KATNIP: variants seen among roughly 807,000 people sequenced by gnomAD.
KATNIP encodes the protein katanin interacting protein, also known as katanin-interacting protein.
KATNIP carries 126 observed loss-of-function variants against 174.0 expected under a neutral mutation model. That is an observed-to-expected ratio of 0.72 (90% CI 0.63 to 0.84). The LOEUF is 0.84. Among genes scored for constraint, KATNIP ranks in the 40% least tolerant of loss-of-function variants. KATNIP has a pLI of 0.00. For missense variants in KATNIP, 1,958 were observed against 2,109.7 expected, an observed-to-expected ratio of 0.93 and a Z score of 1.41; for synonymous variants, 810 against 835.7, an observed-to-expected ratio of 0.97 and a Z score of 0.53.
intron 1 of KATNIP, among the ~76,000 whole-genome samples, chr16:27,571,151 G>A (rs2090276854): frequency 6.6e-6 from 1 of 152,082 alleles, no homozygotes; most frequent in South Asian, 2.1e-4. Context: ...TTGTGCCTCT[G>A]CCTCTTGAGT....
chr16:27,583,363 C>T (rs756981606), intron 2 of KATNIP, among the ~76,000 whole-genome samples: 35 of 152,140 alleles, frequency 2.3e-4, no homozygotes, highest in Admixed American at 3.9e-4. Flanking sequence ...CATGAAATAG[C>T]CTTTAAGATA....
intron 1 of KATNIP, among the ~76,000 whole-genome samples, chr16:27,556,973 G>A (rs369663208): frequency 5.9e-5 from 9 of 151,766 alleles, no homozygotes; most frequent in Admixed American, 3.3e-4. Flanking sequence ...ATAGGAAGTC[G>A]GCCCATAATG....
At chr16:27,687,941 A>G (rs906381367) in intron 8 of KATNIP, among the ~76,000 whole-genome samples, 5 of 152,226 alleles carry the variant, frequency 3.3e-5, no homozygotes, top group African/African-American at 1.2e-4. Flanking sequence ...AGAAACCCTA[A>G]TCAGCCCAAG....
rs373671089 is a variant in KATNIP, at chr16:27,740,566, C to G, written c.2269C>G (p.Pro757Ala). Residue 757 changes from proline to alanine, a missense_variant, in exon 15 of 28, where the codon CCT becomes GCT. By Grantham distance (27) the Pro-to-Ala change is conservative (BLOSUM62 -1). Around this residue, in one of 3 missense-constraint regions of KATNIP, gnomAD observed 1,557 missense variants for 1,617.8 expected, o/e 0.96. Transcript: ENST00000261588. Reference protein sequence around the residue: ...PPGKTPSWLQPSPTGKDRKQG... With the variant: ...PPGKTPSWLQASPTGKDRKQG... ...CGGGAAAACCCCATCCTGGTTACAACCTTCTCCCACCGGCAAGGACAGGAA... is the reference window on the plus strand; with the variant it reads ...CGGGAAAACCCCATCCTGGTTACAAGCTTCTCCCACCGGCAAGGACAGGAA... 6.2e-7 allele frequency: 1 copy of G among 1,614,062 alleles called. No homozygotes were observed. The highest frequency in any genetic ancestry group is 8.5e-7 in the Non-Finnish European group (1 of 1,180,050).
chr16:27,670,004 A>C (rs1375111052), intron 6 of KATNIP, among the ~76,000 whole-genome samples: 1 of 152,184 alleles, frequency 6.6e-6, no homozygotes, highest in African/African-American at 2.4e-5. Flanking sequence ...TATTTTGCAA[A>C]TACAATCATG....
intron 1 of KATNIP, 28 bp downstream of exon 1, chr16:27,550,205 G>A: frequency 6.2e-7 from 1 of 1,606,018 alleles, no homozygotes; most frequent in African/African-American, 1.3e-5. Context: ...CCTCCGGGAG[G>A]TCGGGCTGTT....
chr16:27,656,764 G>A (rs1399481938), intron 6 of KATNIP, among the ~76,000 whole-genome samples: 2 of 136,188 alleles, frequency 1.5e-5, no homozygotes, highest in Non-Finnish European at 1.5e-5. Flanking sequence ...ACAGGAAGGG[G>A]AATATCACAC....
Position 27,776,189 on chromosome 16 carries a change from C to T in KATNIP, c.4450-739C>T, listed in dbSNP as rs928072586. ...AGGAGGCTGGCCCTACCCGAGCAGC[C>T]GCACTCCCTCTTGGCATATTCTGAG... is the stretch of plus-strand genomic sequence containing the variant. On this transcript the variant is annotated intron_variant, in intron 24 of 27. Coordinates refer to ENST00000261588, the MANE Select transcript of KATNIP (RefSeq NM_015202.5). The surrounding 1 kb of genome is among the most constrained non-coding windows in gnomAD (Gnocchi z 4.7). 2.6e-5 allele frequency among the ~76,000 whole-genome samples: 4 copies of T among 152,154 alleles called. No homozygotes were observed. The highest frequency in any genetic ancestry group is 5.9e-5 in the Non-Finnish European group (4 of 68,042).
chr16:27,725,982 G>C (rs1315465588), intron 14 of KATNIP, among the ~76,000 whole-genome samples: 3 of 152,108 alleles, frequency 2.0e-5, no homozygotes, highest in Non-Finnish European at 4.4e-5. Context: ...TAGGCCAGGG[G>C]TCCCCAGCCC....
chr16:27,571,516 TC>T (rs2090294750), intron 1 of KATNIP, among the ~76,000 whole-genome samples: 1 of 151,506 alleles, frequency 6.6e-6, no homozygotes, highest in Admixed American at 6.6e-5. Flanking sequence ...CTGTCACTTG[TC>T]CCTCAGGACC....
At chr16:27,586,048 C>T (rs1165079773) in intron 2 of KATNIP, among the ~76,000 whole-genome samples, 3 of 152,156 alleles carry the variant, frequency 2.0e-5, no homozygotes, top group Non-Finnish European at 4.4e-5. Context: ...TGCAGTGAGC[C>T]GAGATCATGC....
chr16:27,681,203 G>T, intron 7 of KATNIP, 196 bp from the exon 8 acceptor site: 2 of 645,316 alleles, frequency 3.1e-6, no homozygotes, highest in Non-Finnish European at 5.5e-6. Context: ...CCAAAATGTG[G>T]TGCTGGGCAC....
chr16:27,566,879 C>T (rs979583304), intron 1 of KATNIP, among the ~76,000 whole-genome samples: 1 of 152,336 alleles, frequency 6.6e-6, no homozygotes, highest in Admixed American at 6.5e-5. Flanking sequence ...GACAACCCAT[C>T]TGCACCTTCC....
At chr16:27,554,572 C>G (rs1349893484) in intron 1 of KATNIP, among the ~76,000 whole-genome samples, 2 of 152,126 alleles carry the variant, frequency 1.3e-5, no homozygotes, top group African/African-American at 4.8e-5. Flanking sequence ...AGAAACATTG[C>G]TACAGTCCAT....
chr16:27,629,090 C>T (rs2076414288), intron 4 of KATNIP, among the ~76,000 whole-genome samples: 1 of 151,620 alleles, frequency 6.6e-6, no homozygotes, highest in Admixed American at 6.6e-5. Flanking sequence ...ATCACTTAAA[C>T]CTGGGAGGCG....
At position 27,766,431 on chromosome 16, in the gene KATNIP, G is replaced by A. The variant is rs757390970; in HGVS notation, c.3932G>A (p.Arg1311His). The A allele has an allele frequency of 1.3e-5, 21 of 1,613,884 alleles. No individual in the cohort carries two copies. The highest frequency in any genetic ancestry group is 4.0e-5 in the African/African-American group (3 of 74,960). The change falls in exon 20 of 28, where the codon CGC becomes CAC. Residue 1311 changes from arginine to histidine, a missense_variant. By Grantham distance (29) the Arg-to-His change is conservative. Coordinates refer to ENST00000261588, the MANE Select transcript of KATNIP (RefSeq NM_015202.5). ...LDRAESIAGL[R>H]FWNYNKSPED... ...AGGGCCGAAAGCATCGCAGGCCTGC[G>A]CTTCTGGAACTACAATAAATCTCCC...
intron 6 of KATNIP, among the ~76,000 whole-genome samples, chr16:27,665,047 G>A (rs1377900377): frequency 6.6e-6 from 1 of 151,986 alleles, no homozygotes; most frequent in Non-Finnish European, 1.5e-5. Flanking sequence ...TCTTTCTTTA[G>A]CACTGGAAAT....
rs2081440768 is a variant in KATNIP at position 27,750,016 on chromosome 16, A to G, written c.3056A>G (p.Asn1019Ser). 3 of 1,614,192 alleles carry G rather than the reference A, an allele frequency of 1.9e-6. No homozygotes were observed. In the South Asian group the frequency reaches 3.3e-5, roughly 18 times the overall value. Residue 1019 changes from asparagine to serine, a missense_variant, in exon 16 of 28, where the codon AAT becomes AGT. Transcript: ENST00000261588. ...SNIKADPPDI[N>S]ILPAYGKDPR... is the part of the protein sequence containing the mutation. ...ATAAAAGCAGACCCTCCCGATATCAATATTTTACCAGCCTATGGGAAAGAC... is the reference window on the plus strand; with the variant it reads ...ATAAAAGCAGACCCTCCCGATATCAGTATTTTACCAGCCTATGGGAAAGAC...
chr16:27,742,098 T>G (rs2081132098), intron 15 of KATNIP, among the ~76,000 whole-genome samples: 1 of 151,094 alleles, frequency 6.6e-6, no homozygotes, highest in Non-Finnish European at 1.5e-5. Context: ...AACTTTGCAG[T>G]AGATGATTAG....
Sources: allele counts gnomAD v4.1 joint callset (sites outside exome capture counted in the v4.1 genomes callset), GRCh38; gene constraint gnomAD v4.1.1; regional missense constraint gnomAD v4.1.1; non-coding constraint Gnocchi (gnomAD v3.1); transcripts MANE v1.5; gene names NCBI Gene and HGNC (gene_info 2026-07-23, HGNC 2026-07-21).